The following TTN variants were observed in gnomAD, a reference collection of about 807,000 sequenced individuals.
TTN encodes connectin.
In TTN, 1,525 loss-of-function variants were observed where a neutral mutation model predicts 3,223.0. That is an observed-to-expected ratio of 0.47 (90% confidence interval 0.45 to 0.49). TTN has a LOEUF of 0.49. TTN is among the 20% of genes least tolerant of loss of function. The probability of loss-of-function intolerance (pLI) is 0.00; values close to 1 mark genes in which losing one functional copy is unlikely to be tolerated. For missense variants in TTN, 40,786 were observed against 43,424.0 expected (o/e 0.94, Z 5.40); for synonymous variants, 14,094 against 15,161.0 (o/e 0.93, Z 5.17).
rs1198546466 is a variant in TTN at position 178,694,903 on chromosome 2, A to G, written c.31274T>C (p.Ile10425Thr). ...EKKAPPPPKV[I>T]KKPVIEKIEK... is the part of the protein sequence containing the mutation. ...AATTTTTTCAATTACTGGCTTCTTT[A>G]TAACTGCAAGCATTTTAGAGAAATT... The change falls in exon 116 of 363, where the codon ATA becomes ACA. Residue 10425 changes from isoleucine to threonine, a missense_variant. Physicochemically the swap from Ile to Thr is moderately conservative, Grantham distance 89. Transcript: ENST00000589042. The G allele has an allele frequency of 2.4e-5, 37 of 1,548,546 alleles. No homozygotes were observed. The highest frequency in any genetic ancestry group is 3.2e-5 in the Non-Finnish European group (37 of 1,145,200).
intron 253 of TTN, 122 bp downstream of exon 253, chr2:178,617,657 T>C: frequency 6.9e-7 from 1 of 1,449,648 alleles, no homozygotes; most frequent in Non-Finnish European, 9.3e-7. Flanking sequence ...TCTAAAACTT[T>C]ATCCAAATTT....
chr2:178,673,594 T>C, intron 152 of TTN, 39 bp downstream of exon 152: 1 of 1,460,068 alleles, frequency 6.8e-7, no homozygotes, highest in Non-Finnish European at 9.2e-7. Context: ...AGAAAATTAA[T>C]GGGAAGTTAA....
At chr2:178,529,835 C>A in intron 359 of TTN, 125 bp downstream of exon 359, 1 of 1,072,290 alleles carries the variant, frequency 9.3e-7, no homozygotes, top group Non-Finnish European at 1.3e-6. Flanking sequence ...AAATTGTATT[C>A]TGGAATTAGG....
rs2076906844 is a variant in TTN, at chr2:178,713,134, A to G, written c.27000T>C (p.Ala9000=). 4 of 1,613,806 alleles carry G rather than the reference A, an allele frequency of 2.5e-6. No individual in the cohort carries two copies. Among genetic ancestry groups the G allele is most frequent in the Non-Finnish European group, 3.4e-6 (4 of 1,179,762 alleles). ...ESDSGDYTCI[A]TNMAGSDECS... ...ATTCATCAGAACCAGCCATATTAGT[A>G]GCTATACATGTGTAGTCACCACTGT... The change falls in exon 93 of 363, where the codon GCT becomes GCC. Residue 9000 remains alanine (A), a synonymous_variant. Coordinates refer to ENST00000589042, the MANE Select transcript of TTN (RefSeq NM_001267550.2).
At position 178,589,925 on chromosome 2, in the gene TTN, T is replaced by G. The variant is rs1337048658; in HGVS notation, c.61800A>C (p.Glu20600Asp). Residue 20600 changes from glutamate (E) to aspartate (D), a missense_variant, in exon 304 of 363, where the codon GAA becomes GAC. Physicochemically the swap from Glu to Asp is conservative, Grantham distance 45. Transcript: ENST00000589042. ...WENPLDNGGS[E>D]ITNFIVEYRK... ...GATATTCTACTATGAAGTTTGTTAT[T>G]TCTGAGCCACCATTATCTAGTGGGT... The G allele has an allele frequency of 6.2e-7, 1 of 1,613,294 alleles. No homozygotes were observed. The highest frequency in any genetic ancestry group is 1.7e-5 in the Admixed American group (1 of 59,960).
intron 49 of TTN, among the ~76,000 whole-genome samples, chr2:178,736,686 C>T (rs2081498651): frequency 6.6e-6 from 1 of 152,152 alleles, no homozygotes; most frequent in African/African-American, 2.4e-5. Flanking sequence ...TCCTCCTTAT[C>T]CTTTCCTCTT....
In TTN at chr2:178,565,479, G is replaced by T. The variant is rs1305213635; in HGVS notation, c.80653C>A (p.Pro26885Thr). 9.9e-6 allele frequency: 16 copies of T among 1,612,998 alleles called. No individual in the cohort carries two copies. The highest frequency in any genetic ancestry group is 1.4e-5 in the Non-Finnish European group (16 of 1,179,504). Residue 26885 changes from proline (P) to threonine (T), a missense_variant, in exon 326 of 363, where the codon CCA becomes ACA. Coordinates refer to ENST00000589042, the MANE Select transcript of TTN (RefSeq NM_001267550.2). ...DLTIQPSLKL[P>T]FNTYSIQAGE... Reference sequence around the variant, plus strand: ...GCTTGGATACTATATGTGTTAAATGGTAACTTTAAACTAGGCTGTATAGTC... The same window carrying T: ...GCTTGGATACTATATGTGTTAAATGTTAACTTTAAACTAGGCTGTATAGTC...
Position 178,590,962 on chromosome 2 carries a change from C to T in TTN, c.60763G>A (p.Gly20255Ser), listed in dbSNP as rs1248970109. The T allele has an allele frequency of 1.2e-6, 2 of 1,613,242 alleles. No individual in the cohort carries two copies. The highest frequency in any genetic ancestry group is 2.2e-5 in the East Asian group (1 of 44,828). ...RVRAENKIGV[G>S]PPLDSTPTVA... is the part of the protein sequence containing the mutation. ...GTAGGTGTGGAGTCAAGGGGAGGAC[C>T]AACACCTATCTTATTCTCTGCTCTA... Residue 20255 changes from glycine to serine, a missense_variant, in exon 304 of 363, where the codon GGT (glycine) becomes AGT (serine). Coordinates refer to ENST00000589042, the MANE Select transcript of TTN (RefSeq NM_001267550.2).
Position 178,612,173 on chromosome 2 carries a change from A to C in TTN, c.50249-11T>G. On this transcript the variant is annotated splice_polypyrimidine_tract_variant and intron_variant, in intron 266 of 362. Transcript: ENST00000589042. Reference sequence around the variant, plus strand: ...GTGGTCCAGGAGTGGCTGAAAATAAAATAAACAATGATTAGGAAAACCAGA... The same window carrying C: ...GTGGTCCAGGAGTGGCTGAAAATAACATAAACAATGATTAGGAAAACCAGA... The C allele has an allele frequency of 6.2e-7, 1 of 1,606,676 alleles. No homozygotes were observed. Among genetic ancestry groups the C allele is most frequent in the Non-Finnish European group, 8.5e-7 (1 of 1,177,306 alleles).
intron 1 of TTN, among the ~76,000 whole-genome samples, chr2:178,804,893 T>C (rs968464839): frequency 1.3e-5 from 2 of 152,078 alleles, no homozygotes; most frequent in African/African-American, 4.8e-5. Context: ...AAAAAAGTAT[T>C]AGCCAAACAG....
intron 257 of TTN, 37 bp from the exon 258 acceptor site, chr2:178,615,825 A>C (rs750861812): frequency 3.8e-6 from 6 of 1,574,776 alleles, no homozygotes; most frequent in Non-Finnish European, 4.3e-6. Flanking sequence ...GTTATTTCCA[A>C]AAAACCCTTT....
At chr2:178,694,353 A>C (rs1171850357) in intron 117 of TTN, among the ~76,000 whole-genome samples, 1 of 152,280 alleles carries the variant, frequency 6.6e-6, no homozygotes, top group East Asian at 1.9e-4. Flanking sequence ...TTAGCAAACT[A>C]CTAATTAAAC....
chr2:178,710,216 C>G (rs755188031), intron 98 of TTN, among the ~76,000 whole-genome samples: 1 of 152,140 alleles, frequency 6.6e-6, no homozygotes, highest in Non-Finnish European at 1.5e-5. Flanking sequence ...GAGGCCAAGG[C>G]GGGTGGATCA....
At chr2:178,778,738 T>C in intron 24 of TTN, 136 bp downstream of exon 24, 1 of 1,223,028 alleles carries the variant, frequency 8.2e-7, no homozygotes, top group Non-Finnish European at 1.2e-6. Flanking sequence ...CTTCTGGCAA[T>C]TGTTGGTGTT....
Position 178,559,479 on chromosome 2 carries a change from G to A in TTN, c.86653C>T (p.Arg28885Cys), listed in dbSNP as rs1702802682. 5 of 1,613,544 alleles carry A rather than the reference G, an allele frequency of 3.1e-6. No homozygotes were observed. Among genetic ancestry groups the A allele is most frequent in the Non-Finnish European group, 1.7e-6 (2 of 1,179,730 alleles). The change falls in exon 326 of 363, where the codon CGT becomes TGT. Residue 28885 changes from arginine (R) to cysteine (C), a missense_variant. Arg to Cys is a radical substitution (Grantham distance 180). Transcript: ENST00000589042. ...ACCCATGCTTTCTTGCTGGCCTCAC[G>A]TTTTTCTATGTGGTAATTCTTCACT... Reference protein sequence around the residue: ...APVKNYHIEKREASKKAWVSV... With the variant: ...APVKNYHIEKCEASKKAWVSV...
rs1275679502 is a variant in TTN, at chr2:178,577,846, G to A, written c.68580C>T (p.Leu22860=). 6.2e-7 allele frequency: 1 copy of A among 1,601,420 alleles called. No homozygotes were observed. The highest frequency in any genetic ancestry group is 8.5e-7 in the Non-Finnish European group (1 of 1,173,318). Residue 22860 remains leucine (L), a synonymous_variant, in exon 323 of 363, where the codon CTC becomes CTT. Coordinates refer to ENST00000589042, the MANE Select transcript of TTN (RefSeq NM_001267550.2). The part of the protein sequence containing the change: ...VINITRNSVT[L]IWTEPKYDGG... Reference sequence around the variant, plus strand: ...CGTCATATTTAGGTTCAGTCCAAATGAGAGTCACTGAATTCCTTGTTATGT... The same window carrying A: ...CGTCATATTTAGGTTCAGTCCAAATAAGAGTCACTGAATTCCTTGTTATGT...
In TTN at chr2:178,711,923, C is replaced by T. The variant is rs767225869; in HGVS notation, c.27886+21G>A. The T allele has an allele frequency of 7.1e-6, 11 of 1,544,624 alleles. No homozygotes were observed. In the Admixed American group the frequency reaches 1.4e-4, roughly 19 times the overall value. On this transcript the variant is annotated intron_variant, in intron 96 of 362. Coordinates refer to ENST00000589042, the MANE Select transcript of TTN (RefSeq NM_001267550.2). ...TTCAAAAGAAACACAAATTCGTTCA[C>T]TTTAAAAATATTGCAATCACCTTGA...
Position 178,715,679 on chromosome 2 carries a change from T to C in TTN, c.25735A>G (p.Ile8579Val). The C allele has an allele frequency of 1.2e-6, 2 of 1,612,424 alleles. No homozygotes were observed. The highest frequency in any genetic ancestry group is 1.1e-5 in the South Asian group (1 of 90,802). Residue 8579 changes from isoleucine (I) to valine (V), a missense_variant, in exon 89 of 363, where the codon ATC becomes GTC. Coordinates refer to ENST00000589042, the MANE Select transcript of TTN (RefSeq NM_001267550.2). ...TCGTCCTTATACCATAAAACTTTGA[T>C]TTCTGGAGACCCACCGATTTTGCAT... Reference protein sequence around the residue: ...YECKIGGSPEIKVLWYKDETE... With the variant: ...YECKIGGSPEVKVLWYKDETE...
intron 163 of TTN, 59 bp from the exon 164 acceptor site, chr2:178,665,850 T>C (rs1197943784): frequency 1.2e-6 from 1 of 852,116 alleles, no homozygotes; most frequent in Admixed American, 4.0e-5. Flanking sequence ...AGAGTTCCCA[T>C]CTTAACTGCA....
Sources: gnomAD v4.1 joint callset for allele counts (sites outside exome capture counted in the v4.1 genomes callset) on GRCh38, gnomAD v4.1.1 for gene constraint, MANE v1.5 for transcripts, NCBI Gene and HGNC (gene_info 2026-07-23, HGNC 2026-07-21) for gene names.